The following SMARCC1 variants were observed in gnomAD, a reference collection of about 807,000 sequenced individuals.
The protein encoded by SMARCC1 is SWI/SNF related BAF chromatin remodeling complex subunit C1.
A neutral mutation model predicts 147.4 loss-of-function variants in SMARCC1; 43 were observed. The ratio of observed to expected loss-of-function variants is 0.29; its 90% confidence interval spans 0.23 to 0.38. The LOEUF (loss-of-function observed/expected upper bound fraction) is 0.38. SMARCC1 is among the 10% of genes least tolerant of loss of function. The pLI is 1.00. For missense variants in SMARCC1, 1,119 were observed against 1,381.1 expected, an observed-to-expected ratio of 0.81 and a Z score of 3.01; for synonymous variants, 495 against 484.4, an observed-to-expected ratio of 1.02 and a Z score of -0.29.
intron 4 of SMARCC1, 77 bp from the exon 5 acceptor site, chr3:47,736,203 C>T: frequency 1.3e-6 from 1 of 765,526 alleles, no homozygotes; most frequent in Non-Finnish European, 2.1e-6. Context: ...ATATACAAAC[C>T]ACCCCCAGAT....
intron 21 of SMARCC1, among the ~76,000 whole-genome samples, chr3:47,654,324 G>A (rs1194733639): frequency 6.6e-6 from 1 of 152,210 alleles, no homozygotes; most frequent in Non-Finnish European, 1.5e-5. Context: ...GTCTGGTGGT[G>A]CAGAATCAAC....
intron 14 of SMARCC1, among the ~76,000 whole-genome samples, chr3:47,681,043 C>T (rs991500422): frequency 1.3e-5 from 2 of 152,098 alleles, no homozygotes; most frequent in Non-Finnish European, 2.9e-5. Context: ...CATAACCAAA[C>T]TAAAAAACTA....
Position 47,738,109 on chromosome 3 carries a change from G to T in SMARCC1, c.403C>A (p.Arg135=). 1 of 1,530,192 alleles carries T rather than the reference G, an allele frequency of 6.5e-7. No homozygotes were observed. Among genetic ancestry groups the T allele is most frequent in the East Asian group, 2.4e-5 (1 of 41,658 alleles). 94.8% of individuals were successfully genotyped at this position (1,530,192 alleles called of 1,614,324 possible). The change falls in exon 4 of 28, where the codon CGG becomes AGG. Residue 135 remains arginine (R), a splice_region_variant and synonymous_variant. Coordinates refer to ENST00000254480, the MANE Select transcript of SMARCC1 (RefSeq NM_003074.4). ...GATGGGTTCTGTAGGTCAAACCTCC[G>T]CCTAAAAAAAAAGAAAAACCCTAGT... ...AYKYKNEQGW[R]RFDLQNPSRM... is the part of the protein sequence containing the mutation.
intron 10 of SMARCC1, 50 bp from the exon 11 acceptor site, chr3:47,701,452 G>A (rs1250389818): frequency 1.3e-6 from 2 of 1,540,174 alleles, no homozygotes; most frequent in Admixed American, 1.7e-5. Context: ...TATAGCTACT[G>A]ATAGCAAACA....
intron 15 of SMARCC1, 61 bp downstream of exon 15, chr3:47,680,376 G>T: frequency 9.1e-7 from 1 of 1,104,492 alleles, no homozygotes; most frequent in Non-Finnish European, 1.4e-6. Flanking sequence ...TCAGGTGGAT[G>T]CTTGAAGAGC....
At chr3:47,665,448 C>T (rs2033408849) in intron 19 of SMARCC1, among the ~76,000 whole-genome samples, 1 of 152,184 alleles carries the variant, frequency 6.6e-6, no homozygotes, top group South Asian at 2.1e-4. Context: ...CATGCTCTAT[C>T]ATGCCCTTTT....
chr3:47,717,052 C>CA (rs201851037), intron 7 of SMARCC1, among the ~76,000 whole-genome samples: 1,576 of 152,230 alleles, frequency 0.01, 23 homozygotes, highest in African/African-American at 0.036. Context: ...ACTCGAACTA[C>CA]ATAAAAAGAT....
At chr3:47,647,203 T>C (rs2033130034) in intron 21 of SMARCC1, among the ~76,000 whole-genome samples, 1 of 152,214 alleles carries the variant, frequency 6.6e-6, no homozygotes, top group South Asian at 2.1e-4. Context: ...GTACCTGACT[T>C]ACAGTGATTT....
At chr3:47,597,668 G>A (rs2032312943) in intron 26 of SMARCC1, among the ~76,000 whole-genome samples, 1 of 152,132 alleles carries the variant, frequency 6.6e-6, no homozygotes, top group African/African-American at 2.4e-5. Flanking sequence ...TTGCTATGTT[G>A]CCCAGGCTGG....
chr3:47,759,019 A>C (rs1314018950), intron 2 of SMARCC1, among the ~76,000 whole-genome samples: 1 of 150,164 alleles, frequency 6.7e-6, no homozygotes, highest in Non-Finnish European at 1.5e-5. Context: ...CTCTGACCCA[A>C]AAAAAAAAGA....
chr3:47,616,508 T>C (rs1415732121), intron 25 of SMARCC1, among the ~76,000 whole-genome samples: 2 of 152,120 alleles, frequency 1.3e-5, no homozygotes, highest in African/African-American at 4.8e-5. Context: ...TACAATGGCA[T>C]GATCTCTGCA....
chr3:47,603,612 T>A (rs113255939), intron 26 of SMARCC1: 1 of 192,228 alleles, frequency 5.2e-6, no homozygotes, highest in Admixed American at 5.4e-5. Flanking sequence ...TGCTTAAGAA[T>A]TGGTTTCTAT....
intron 23 of SMARCC1, among the ~76,000 whole-genome samples, chr3:47,635,666 C>A (rs1215657433): frequency 6.6e-6 from 1 of 152,186 alleles, no homozygotes; most frequent in African/African-American, 2.4e-5. Flanking sequence ...ATGAAATGCT[C>A]TAGGAACTCT....
chr3:47,741,429 T>A (rs1356901594), intron 3 of SMARCC1, among the ~76,000 whole-genome samples: 1 of 79,096 alleles, frequency 1.3e-5, no homozygotes, highest in Non-Finnish European at 3.2e-5. Flanking sequence ...CTTTCTAAAA[T>A]CCTATTTGAG....
chr3:47,673,573 C>G (rs1037863931), intron 18 of SMARCC1, among the ~76,000 whole-genome samples: 2 of 152,132 alleles, frequency 1.3e-5, no homozygotes, highest in South Asian at 2.1e-4. Flanking sequence ...CCTGTAATCC[C>G]AGCTATTTGG....
At chr3:47,681,669 T>C (rs897568084) in intron 14 of SMARCC1, among the ~76,000 whole-genome samples, 1 of 152,218 alleles carries the variant, frequency 6.6e-6, no homozygotes, top group Non-Finnish European at 1.5e-5. Flanking sequence ...TATTCACTTT[T>C]TGAATATTTG....
At chr3:47,611,582 T>C (rs1476627349) in intron 25 of SMARCC1, among the ~76,000 whole-genome samples, 1 of 152,224 alleles carries the variant, frequency 6.6e-6, no homozygotes, top group African/African-American at 2.4e-5. Context: ...TTCTGAGGCA[T>C]TTAATAGGTT....
intron 24 of SMARCC1, among the ~76,000 whole-genome samples, chr3:47,627,459 G>A (rs2032825610): frequency 6.6e-6 from 1 of 152,058 alleles, no homozygotes. Flanking sequence ...TAGGTTTTCA[G>A]GCAGAATTTA....
intron 26 of SMARCC1, among the ~76,000 whole-genome samples, chr3:47,595,539 ATAAAT>A (rs1406800976): frequency 7.2e-5 from 1 of 13,866 alleles, no homozygotes; most frequent in African/African-American, 1.0e-4. Flanking sequence ...AAATAAATAA[ATAAAT>A]AAAATAAAAT....
Sources: allele counts gnomAD v4.1 joint callset (sites outside exome capture counted in the v4.1 genomes callset), GRCh38; gene constraint gnomAD v4.1.1; transcripts MANE v1.5; gene names NCBI Gene and HGNC (gene_info 2026-07-23, HGNC 2026-07-21).